The following UBL3 variants were observed in gnomAD, a reference collection of about 807,000 sequenced individuals.
The protein encoded by UBL3 is ubiquitin-like protein 3.
Under a neutral mutation model 18.4 loss-of-function variants are expected in UBL3, and 6 were observed. That is an observed-to-expected ratio of 0.33 (90% CI 0.18 to 0.64). The LOEUF (loss-of-function observed/expected upper bound fraction) is 0.64, where lower values mean the gene tolerates loss of function less well. Among genes scored for constraint, UBL3 ranks in the 30% least tolerant of loss-of-function variants. The pLI is 0.76. For missense variants in UBL3, 109 were observed against 142.9 expected (o/e 0.76, Z 1.21); for synonymous variants, 49 against 46.6 (o/e 1.05, Z -0.21).
intron 1 of UBL3, among the ~76,000 whole-genome samples, chr13:29,784,974 C>T (rs1416025802): frequency 6.6e-6 from 1 of 152,138 alleles, no homozygotes; most frequent in Non-Finnish European, 1.5e-5. Context: ...GGCGGGATCT[C>T]GGCTCGCCGC....
At chr13:29,821,195 A>T (rs1466072682) in intron 1 of UBL3, among the ~76,000 whole-genome samples, 1 of 152,016 alleles carries the variant, frequency 6.6e-6, no homozygotes, top group Non-Finnish European at 1.5e-5. Context: ...TAAGTACCAA[A>T]AAAGCTTTGT....
intron 1 of UBL3, among the ~76,000 whole-genome samples, chr13:29,796,599 A>G (rs1333149505): frequency 1.3e-5 from 2 of 152,206 alleles, no homozygotes; most frequent in East Asian, 3.8e-4. Flanking sequence ...TCATTACTCA[A>G]TTACATATTT....
intron 1 of UBL3, among the ~76,000 whole-genome samples, chr13:29,833,075 A>G (rs1878822991): frequency 6.6e-6 from 1 of 152,216 alleles, no homozygotes; most frequent in African/African-American, 2.4e-5. Context: ...ACAGGAGATG[A>G]GGCTGGAATG....
chr13:29,807,309 C>CTATA (rs1355104996), intron 1 of UBL3, among the ~76,000 whole-genome samples: 1 of 152,168 alleles, frequency 6.6e-6, no homozygotes, highest in Non-Finnish European at 1.5e-5. Context: ...AACTAGCTGA[C>CTATA]TATATAATCT....
chr13:29,807,345 G>A (rs1270859117), intron 1 of UBL3, among the ~76,000 whole-genome samples: 2 of 152,108 alleles, frequency 1.3e-5, no homozygotes, highest in Non-Finnish European at 2.9e-5. Flanking sequence ...ACTGCTCAAG[G>A]CTCAATTCCC....
Position 29,767,240 on chromosome 13 carries a change from C to G in UBL3, c.*15G>C. 1 of 1,612,824 alleles carries G rather than the reference C, an allele frequency of 6.2e-7. No individual in the cohort carries two copies. The highest frequency in any genetic ancestry group is 8.5e-7 in the Non-Finnish European group (1 of 1,179,062). On this transcript the variant is annotated 3_prime_UTR_variant, in exon 5 of 5. Transcript: ENST00000380680. ...AAGACAAAGACTATATCACATCACA[C>G]TAGGCAGACAGTGTTTACAGGATTA...
chr13:29,776,595 A>G (rs1442750984), intron 2 of UBL3, among the ~76,000 whole-genome samples: 4 of 151,824 alleles, frequency 2.6e-5, no homozygotes, highest in African/African-American at 9.7e-5. Context: ...TTTTTTGGCT[A>G]GGCACGGTGG....
chr13:29,807,680 A>T (rs1877930027), intron 1 of UBL3, among the ~76,000 whole-genome samples: 1 of 152,168 alleles, frequency 6.6e-6, no homozygotes, highest in Admixed American at 6.5e-5. Context: ...ATCACTGTTC[A>T]GATCAAATAT....
At chr13:29,835,096 AT>A (rs1566000913) in intron 1 of UBL3, among the ~76,000 whole-genome samples, 1,291 of 24,882 alleles carry the variant, frequency 0.052, 165 homozygotes, top group African/African-American at 0.23. Context: ...ATAAATATAT[AT>A]ATATATATAA....
intron 1 of UBL3, among the ~76,000 whole-genome samples, chr13:29,846,843 G>A (rs528030774): frequency 8.5e-5 from 13 of 152,280 alleles, no homozygotes; most frequent in Admixed American, 2.0e-4. Flanking sequence ...AGCACATACT[G>A]TCAACTAGGA....
At chr13:29,849,201 C>A (rs1474606239) in intron 1 of UBL3, among the ~76,000 whole-genome samples, 1 of 152,162 alleles carries the variant, frequency 6.6e-6, no homozygotes, top group Non-Finnish European at 1.5e-5. Context: ...TTTTCAGAAA[C>A]GTTAAAATAC....
chr13:29,795,755 G>GA (rs57782695), intron 1 of UBL3, among the ~76,000 whole-genome samples: 4,724 of 66,146 alleles, frequency 0.071, 240 homozygotes, highest in African/African-American at 0.099. Context: ...CCTCATCTCA[G>GA]AAAAAAAAAA....
intron 1 of UBL3, among the ~76,000 whole-genome samples, chr13:29,795,435 A>T (rs1877583504): frequency 6.6e-6 from 1 of 152,066 alleles, no homozygotes; most frequent in Admixed American, 6.6e-5. Flanking sequence ...TATAACTCTT[A>T]CTAGATCCTC....
intron 1 of UBL3, among the ~76,000 whole-genome samples, chr13:29,833,938 A>G (rs1257260928): frequency 2.0e-5 from 3 of 152,186 alleles, no homozygotes; most frequent in Non-Finnish European, 4.4e-5. Context: ...CTGTAATCTC[A>G]GCACTTTGGG....
intron 1 of UBL3, among the ~76,000 whole-genome samples, chr13:29,789,625 G>A (rs1285251070): frequency 2.0e-5 from 3 of 152,216 alleles, no homozygotes; most frequent in Non-Finnish European, 4.4e-5. Context: ...TGGGTTTGCT[G>A]TAAGGCATTC....
chr13:29,769,461 T>C (rs1490830911), intron 3 of UBL3, among the ~76,000 whole-genome samples: 1 of 152,072 alleles, frequency 6.6e-6, no homozygotes, highest in Non-Finnish European at 1.5e-5. Flanking sequence ...CACAGTACAA[T>C]ATCCAGAATA....
chr13:29,839,341 T>C (rs977021453), intron 1 of UBL3, among the ~76,000 whole-genome samples: 1 of 151,802 alleles, frequency 6.6e-6, no homozygotes, highest in African/African-American at 2.4e-5. Flanking sequence ...AGCTAGAAAA[T>C]CCCCAAATGC....
intron 4 of UBL3, 46 bp downstream of exon 4, chr13:29,767,572 C>A (rs369010149): frequency 6.3e-7 from 1 of 1,591,244 alleles, no homozygotes; most frequent in African/African-American, 1.3e-5. Flanking sequence ...TTTTGAATGC[C>A]TGTCTTTGTG....
chr13:29,844,970 A>C (rs1879196276), intron 1 of UBL3, among the ~76,000 whole-genome samples: 2 of 152,172 alleles, frequency 1.3e-5, no homozygotes, highest in South Asian at 4.1e-4. Context: ...CGAAGACAGT[A>C]ATAGTTTGTG....
Sources: allele counts gnomAD v4.1 joint callset (sites outside exome capture counted in the v4.1 genomes callset), GRCh38; gene constraint gnomAD v4.1.1; transcripts MANE v1.5; gene names NCBI Gene and HGNC (gene_info 2026-07-23, HGNC 2026-07-21).